NALCN: variants seen among roughly 807,000 people sequenced by gnomAD.
The protein encoded by NALCN is sodium leak channel NALCN.
In NALCN, 111 loss-of-function variants were observed where a neutral mutation model predicts 225.3. That is an observed-to-expected ratio of 0.49 (90% CI 0.42 to 0.58). NALCN has a LOEUF of 0.58. Among genes scored for constraint, NALCN ranks in the 20% least tolerant of loss-of-function variants. NALCN has a pLI of 0.00. For missense variants in NALCN, 1,378 were observed against 2,202.4 expected (o/e 0.63, Z 7.49); for synonymous variants, 764 against 769.0 (o/e 0.99, Z 0.11).
Position 101,321,580 on chromosome 13 carries a change from A to G in NALCN, c.799+23686T>C, listed in dbSNP as rs557810335. Among the ~76,000 whole-genome samples the G allele has an allele frequency of 6.6e-5, 10 of 152,276 alleles. No homozygotes were observed. In the South Asian group the frequency reaches 2.1e-3, roughly 32 times the overall value. ...TATTTTCAAATACAGAACTATTCCC[A>G]TGGTACACAAGGAGACTCATGCAAG... On this transcript the variant is annotated intron_variant, in intron 7 of 43. Coordinates refer to ENST00000251127, the MANE Select transcript of NALCN (RefSeq NM_052867.4).
chr13:101,078,375 A>G (rs1227875124), intron 34 of NALCN, among the ~76,000 whole-genome samples: 2 of 152,178 alleles, frequency 1.3e-5, no homozygotes, highest in Non-Finnish European at 2.9e-5. Flanking sequence ...ATACCAGTCC[A>G]GGAGGGGGTC....
At chr13:101,155,900 C>A (rs1364919273) in intron 15 of NALCN, among the ~76,000 whole-genome samples, 1 of 152,106 alleles carries the variant, frequency 6.6e-6, no homozygotes, top group Non-Finnish European at 1.5e-5. Context: ...TTCCTAATGG[C>A]AATTTTCTGT....
At chr13:101,102,033 C>T (rs892743641) in intron 26 of NALCN, among the ~76,000 whole-genome samples, 3 of 152,032 alleles carry the variant, frequency 2.0e-5, no homozygotes, top group Non-Finnish European at 4.4e-5. Context: ...AAAAGAAATT[C>T]AGCAACTGGG....
rs573845101 is a variant in NALCN at position 101,162,502 on chromosome 13, T to C, written c.1839+13798A>G. ...CCAGCTCCAGCATGTTCCTATTTAA[T>C]GTGTAGGTCCACACAGGGTAAACCT... On this transcript the variant is annotated intron_variant, in intron 15 of 43. Coordinates refer to ENST00000251127, the MANE Select transcript of NALCN (RefSeq NM_052867.4). Among the ~76,000 whole-genome samples the C allele has an allele frequency of 1.8e-4, 27 of 152,344 alleles. No homozygotes were observed. In the East Asian group the frequency reaches 3.9e-3, roughly 22 times the overall value.
intron 7 of NALCN, among the ~76,000 whole-genome samples, chr13:101,294,935 A>C (rs1237392754): frequency 6.6e-6 from 1 of 152,200 alleles, no homozygotes; most frequent in African/African-American, 2.4e-5. Context: ...CAATCCATAG[A>C]AACAGGACGT....
intron 14 of NALCN, among the ~76,000 whole-genome samples, chr13:101,188,898 G>A (rs971917481): frequency 6.6e-6 from 1 of 152,044 alleles, no homozygotes; most frequent in African/African-American, 2.4e-5. Flanking sequence ...ATGTTGGCCA[G>A]GCTGATCTTT....
At chr13:101,284,107 T>C (rs767437958) in intron 9 of NALCN, 88 bp from the exon 10 acceptor site, 5 of 1,128,644 alleles carry the variant, frequency 4.4e-6, no homozygotes, top group Non-Finnish European at 6.2e-6. Flanking sequence ...ATTTTTATGT[T>C]ATCAAAAATT....
At chr13:101,088,390 G>A (rs368601423) in intron 30 of NALCN, among the ~76,000 whole-genome samples, 56 of 152,198 alleles carry the variant, frequency 3.7e-4, no homozygotes, top group African/African-American at 1.2e-3. Context: ...GAATAACATC[G>A]AGCAGCACGG....
At chr13:101,387,606 A>T (rs2047033754) in intron 3 of NALCN, among the ~76,000 whole-genome samples, 1 of 152,214 alleles carries the variant, frequency 6.6e-6, no homozygotes. Flanking sequence ...ATTGAGAGAT[A>T]ACTGCAGTGC....
At chr13:101,109,428 T>A (rs1286079919) in intron 20 of NALCN, among the ~76,000 whole-genome samples, 1 of 152,282 alleles carries the variant, frequency 6.6e-6, no homozygotes, top group Non-Finnish European at 1.5e-5. Flanking sequence ...AACCATGTAC[T>A]TGGACTAAAA....
chr13:101,322,858 G>A (rs1036905408), intron 7 of NALCN, among the ~76,000 whole-genome samples: 8 of 151,816 alleles, frequency 5.3e-5, no homozygotes, highest in African/African-American at 1.9e-4. Context: ...AATTACAGGT[G>A]CCCACCACCA....
Position 101,399,084 on chromosome 13 carries a change from C to T in NALCN, c.43G>A (p.Val15Ile). The T allele has an allele frequency of 1.2e-6, 2 of 1,613,630 alleles. No individual in the cohort carries two copies. The highest frequency in any genetic ancestry group is 1.7e-6 in the Non-Finnish European group (2 of 1,179,656). Reference sequence around the variant, plus strand: ...GACTCATCAGGACCAAAGTCAGTGACTGGCTGGGCTTCCACCCTGGAACTC... The same window carrying T: ...GACTCATCAGGACCAAAGTCAGTGATTGGCTGGGCTTCCACCCTGGAACTC... ...KQSSRVEAQP[V>I]TDFGPDESLS... Residue 15 changes from valine to isoleucine, a missense_variant, in exon 2 of 44, where the codon GTC becomes ATC. Around this residue, in one of 19 missense-constraint regions of NALCN, gnomAD observed 146 missense variants for 205.9 expected, o/e 0.71. Coordinates refer to ENST00000251127, the MANE Select transcript of NALCN (RefSeq NM_052867.4).
At chr13:101,256,411 G>GA (rs1454334176) in intron 11 of NALCN, among the ~76,000 whole-genome samples, 8 of 151,924 alleles carry the variant, frequency 5.3e-5, no homozygotes, top group Non-Finnish European at 1.2e-4. Context: ...CCCCTAACCT[G>GA]AAAAAAATCC....
intron 17 of NALCN, among the ~76,000 whole-genome samples, chr13:101,140,454 G>A (rs1356105648): frequency 6.6e-6 from 1 of 152,162 alleles, no homozygotes; most frequent in East Asian, 1.9e-4. Flanking sequence ...TGTTACCAGT[G>A]ATTTTTAAAA....
At chr13:101,100,966 G>C in intron 26 of NALCN, 78 bp from the exon 27 acceptor site, 4 of 1,094,436 alleles carry the variant, frequency 3.7e-6, no homozygotes, top group Non-Finnish European at 5.2e-6. Context: ...GACATAAATA[G>C]GACTTCTAAG....
intron 6 of NALCN, among the ~76,000 whole-genome samples, chr13:101,367,880 T>C (rs796266048): frequency 3.5e-4 from 54 of 152,288 alleles, no homozygotes; most frequent in African/African-American, 1.2e-3. Context: ...GGTGTCTTGA[T>C]GTGGCGTCTC....
intron 22 of NALCN, among the ~76,000 whole-genome samples, chr13:101,106,400 A>T (rs1351899900): frequency 6.6e-6 from 1 of 152,204 alleles, no homozygotes; most frequent in Non-Finnish European, 1.5e-5. Context: ...ATAACAAAGA[A>T]ATCAATTTAC....
At chr13:101,415,228 T>TATATATATACATAC (rs137895468) in intron 1 of NALCN, among the ~76,000 whole-genome samples, 4 of 129,236 alleles carry the variant, frequency 3.1e-5, no homozygotes, top group African/African-American at 8.7e-5. Context: ...TATATATACA[T>TATATATATACATAC]ACATATATAT....
chr13:101,313,104 G>A (rs1164666228), intron 7 of NALCN, among the ~76,000 whole-genome samples: 2 of 152,132 alleles, frequency 1.3e-5, no homozygotes. Context: ...TTTAATAAAT[G>A]GTGCTGGGAA....
Sources: gnomAD v4.1 joint callset for allele counts (sites outside exome capture counted in the v4.1 genomes callset) on GRCh38, gnomAD v4.1.1 for gene constraint, gnomAD v4.1.1 regional missense constraint, MANE v1.5 for transcripts, NCBI Gene and HGNC (gene_info 2026-07-23, HGNC 2026-07-21) for gene names.